ENTPD3: variants seen among roughly 807,000 people sequenced by gnomAD.
ENTPD3 encodes the protein ectonucleoside triphosphate diphosphohydrolase 3.
ENTPD3 carries 60 observed loss-of-function variants against 51.2 expected under a neutral mutation model. That is an observed-to-expected ratio of 1.17 (90% CI 0.95 to 1.45). The LOEUF (loss-of-function observed/expected upper bound fraction) is 1.45. Ranked by LOEUF, ENTPD3 falls within the 40% of genes most tolerant of loss-of-function variation. ENTPD3 has a pLI of 0.00. For missense variants in ENTPD3, 593 were observed against 641.1 expected, an observed-to-expected ratio of 0.93 and a Z score of 0.81; for synonymous variants, 221 against 238.4, an observed-to-expected ratio of 0.93 and a Z score of 0.67.
chr3:40,422,802 G>A (rs757738001), intron 7 of ENTPD3, 48 bp from the exon 8 acceptor site: 4 of 1,524,470 alleles, frequency 2.6e-6, no homozygotes, highest in Non-Finnish European at 3.5e-6. Flanking sequence ...ATTGTGAATA[G>A]TGCCGCAATA....
At chr3:40,414,494 C>T (rs1018147882) in intron 5 of ENTPD3, among the ~76,000 whole-genome samples, 187 bp from the exon 6 acceptor site, 1 of 152,200 alleles carries the variant, frequency 6.6e-6, no homozygotes, top group African/African-American at 2.4e-5. Context: ...GTGCATCCTG[C>T]CTTCACAGTT....
intron 7 of ENTPD3, among the ~76,000 whole-genome samples, chr3:40,421,903 G>T (rs890666879): frequency 1.3e-5 from 2 of 152,110 alleles, no homozygotes; most frequent in Non-Finnish European, 2.9e-5. Context: ...CCAGAAAAAG[G>T]CCTGATGGCT....
In ENTPD3 at chr3:40,422,890, C is replaced by T. The variant is rs1245044505; in HGVS notation, c.872C>T (p.Pro291Leu). The T allele has an allele frequency of 6.2e-7, 1 of 1,613,770 alleles. No homozygotes were observed. ...AACCATCTCACCAATCCCTGTTACC[C>T]TCGGGATTATAGCATCAGCTTCACC... Reference protein sequence around the residue: ...TKNHLTNPCYPRDYSISFTMG... With the variant: ...TKNHLTNPCYLRDYSISFTMG... The change falls in exon 8 of 11, where the codon CCT becomes CTT. Residue 291 changes from proline (P) to leucine (L), a missense_variant. Pro to Leu is a moderately conservative substitution (Grantham distance 98, BLOSUM62 -3). Coordinates refer to ENST00000301825, the MANE Select transcript of ENTPD3 (RefSeq NM_001248.4).
chr3:40,424,620 C>A, intron 10 of ENTPD3: 1 of 584,562 alleles, frequency 1.7e-6, no homozygotes, highest in South Asian at 1.9e-5. Flanking sequence ...GGTCAAGTGA[C>A]CAGAATGGTC....
intron 4 of ENTPD3, among the ~76,000 whole-genome samples, chr3:40,404,983 G>A (rs1041763371): frequency 6.6e-6 from 1 of 152,146 alleles, no homozygotes; most frequent in African/African-American, 2.4e-5. Context: ...CTGGCTGCTT[G>A]TGGTGAAGCC....
chr3:40,393,901 G>T (rs1955126281), intron 3 of ENTPD3, among the ~76,000 whole-genome samples: 4 of 151,584 alleles, frequency 2.6e-5, no homozygotes, highest in African/African-American at 2.4e-5. Context: ...AAAATTAGCT[G>T]GGCGTGGTGG....
At chr3:40,401,083 A>AT in intron 4 of ENTPD3, 72 bp downstream of exon 4, 35 of 1,139,326 alleles carry the variant, frequency 3.1e-5, no homozygotes, top group Non-Finnish European at 4.2e-5. Flanking sequence ...GGAGGCCTGG[A>AT]GAGGTCCTGA....
intron 7 of ENTPD3, among the ~76,000 whole-genome samples, chr3:40,419,853 C>T (rs1955824687): frequency 6.6e-6 from 1 of 152,184 alleles, no homozygotes; most frequent in Admixed American, 6.5e-5. Flanking sequence ...TTCTAGTGGA[C>T]TTTTCTCCCT....
chr3:40,390,561 C>A (rs1220159605), intron 2 of ENTPD3, among the ~76,000 whole-genome samples: 1 of 152,184 alleles, frequency 6.6e-6, no homozygotes, highest in East Asian at 1.9e-4. Flanking sequence ...TTAGGTATAA[C>A]TTCTATTCAG....
intron 4 of ENTPD3, among the ~76,000 whole-genome samples, chr3:40,403,248 A>G (rs959870800): frequency 5.3e-5 from 8 of 152,134 alleles, no homozygotes; most frequent in African/African-American, 1.9e-4. Flanking sequence ...ACCCTGATGC[A>G]CAGGTGTTCC....
At position 40,414,831 on chromosome 3, in the gene ENTPD3, T is replaced by A; in HGVS notation, c.588T>A (p.Asn196Lys). 3 of 1,613,964 alleles carry A rather than the reference T, an allele frequency of 1.9e-6. No homozygotes were observed. The highest frequency in any genetic ancestry group is 2.5e-6 in the Non-Finnish European group (3 of 1,179,918). ...TTACAGCCAACTATTTAATGGGAAA[T>A]TTCCTGGAGGTGTGTGCAAACAAAT... ...GWITANYLMG[N>K]FLEKNLWHMW... Residue 196 changes from asparagine to lysine, a missense_variant, in exon 6 of 11, where the codon AAT becomes AAA. Physicochemically the swap from Asn to Lys is moderately conservative, Grantham distance 94. Transcript: ENST00000301825.
Position 40,423,900 on chromosome 3 carries a change from C to A in ENTPD3, c.1290C>A (p.His430Gln). The A allele has an allele frequency of 1.2e-6, 2 of 1,614,172 alleles. No homozygotes were observed. Among genetic ancestry groups the A allele is most frequent in the Non-Finnish European group, 1.7e-6 (2 of 1,180,024 alleles). Residue 430 changes from histidine (H) to glutamine (Q), a missense_variant, in exon 10 of 11, where the codon CAC becomes CAA. Transcript: ENST00000301825. ...SYCFSANYIY[H>Q]LFVNGYKFTE... ...GCTTCTCAGCCAACTACATCTACCA[C>A]TTGTTTGTGAACGGTTACAAATTCA...
At chr3:40,424,896 T>C (rs552734060) in intron 10 of ENTPD3, 8 of 658,870 alleles carry the variant, frequency 1.2e-5, no homozygotes, top group African/African-American at 3.6e-5. Context: ...ATAAATAAAA[T>C]TGAGTCATCT....
chr3:40,387,883 T>G, intron 1 of ENTPD3, 163 bp from the exon 2 acceptor site: 1 of 586,930 alleles, frequency 1.7e-6, no homozygotes, highest in South Asian at 2.1e-5. Context: ...AAGCTCCAGC[T>G]TTGGGGCTGT....
intron 2 of ENTPD3, 40 bp downstream of exon 2, chr3:40,388,137 A>T (rs375439784): frequency 6.2e-7 from 1 of 1,602,548 alleles, no homozygotes; most frequent in African/African-American, 1.3e-5. Flanking sequence ...GGTTTTGCCA[A>T]ATCGCAAGAG....
intron 7 of ENTPD3, among the ~76,000 whole-genome samples, chr3:40,420,474 C>T (rs1955844188): frequency 6.6e-6 from 1 of 151,952 alleles, no homozygotes; most frequent in African/African-American, 2.4e-5. Flanking sequence ...CTCCTGACCT[C>T]GTGATCCGCC....
At chr3:40,422,120 G>A (rs1955886122) in intron 7 of ENTPD3, among the ~76,000 whole-genome samples, 2 of 141,532 alleles carry the variant, frequency 1.4e-5, no homozygotes. Context: ...GCTATGCCTG[G>A]TACGAGGTAA....
chr3:40,423,004 G>T lies in ENTPD3; in HGVS notation c.986G>T (p.Gly329Val), dbSNP rs1356858439. Residue 329 changes from glycine (G) to valine (V), a missense_variant, in exon 8 of 11, where the codon GGG (glycine) becomes GTG (valine). Gly to Val is a moderately radical substitution (Grantham distance 109). Transcript: ENST00000301825. The part of the protein sequence containing the change: ...PNDVITFEGT[G>V]DPSLCKEKVA... ...GATGTCATCACTTTTGAAGGAACTG[G>T]GGACCCATCTCTGTGTAAGGAGAAG... is the stretch of plus-strand genomic sequence containing the variant. 6.8e-6 allele frequency: 11 copies of T among 1,614,054 alleles called. No homozygotes were observed. Among genetic ancestry groups the T allele is most frequent in the Non-Finnish European group, 9.3e-6 (11 of 1,180,000 alleles).
chr3:40,401,150 C>T (rs144536617), intron 4 of ENTPD3, 139 bp downstream of exon 4: 15 of 696,074 alleles, frequency 2.2e-5, no homozygotes, highest in African/African-American at 1.8e-4. Context: ...AATAGGAGAT[C>T]GTGTGCTAGT....
Sources: allele counts gnomAD v4.1 joint callset (sites outside exome capture counted in the v4.1 genomes callset), GRCh38; gene constraint gnomAD v4.1.1; transcripts MANE v1.5; gene names NCBI Gene and HGNC (gene_info 2026-07-23, HGNC 2026-07-21).